POLE2: variants seen among roughly 807,000 people sequenced by gnomAD.
The protein encoded by POLE2 is DNA polymerase epsilon subunit 2.
In POLE2, 56 loss-of-function variants were observed where a neutral mutation model predicts 79.4. The ratio of observed to expected loss-of-function variants is 0.71; its 90% confidence interval spans 0.57 to 0.88. The LOEUF is 0.88. POLE2 is among the 40% of genes least tolerant of loss of function. POLE2 has a pLI of 0.00. For synonymous variants in POLE2, 212 were observed against 214.0 expected, an observed-to-expected ratio of 0.99 and a Z score of 0.08; for missense variants, 598 against 638.9, an observed-to-expected ratio of 0.94 and a Z score of 0.69.
rs778976853 is a variant in POLE2, at chr14:49,683,681, C to T, written c.81G>A (p.Lys27=). 1.3e-6 allele frequency: 2 copies of T among 1,534,092 alleles called. No homozygotes were observed. The highest frequency in any genetic ancestry group is 2.3e-5 in the South Asian group (2 of 86,252). ...RGLLLRGEAI[K]YLTEALQSIS... is the part of the protein sequence containing the mutation. Reference sequence around the variant, plus strand: ...TAGACTGAAGAGCTTCTGTGAGGTACTTAATAGCTTCACTAAGAAAAGGAA... The same window carrying T: ...TAGACTGAAGAGCTTCTGTGAGGTATTTAATAGCTTCACTAAGAAAAGGAA... The change falls in exon 2 of 19, where the codon AAG becomes AAA. Residue 27 remains lysine, a synonymous_variant. Coordinates refer to ENST00000216367, the MANE Select transcript of POLE2 (RefSeq NM_002692.4).
rs941313287 is a variant in POLE2 at position 49,655,725 on chromosome 14, C to G, written c.874G>C (p.Asp292His). The G allele has an allele frequency of 6.8e-6, 11 of 1,611,736 alleles. No homozygotes were observed. The highest frequency in any genetic ancestry group is 9.3e-6 in the Non-Finnish European group (11 of 1,178,978). Residue 292 changes from aspartate (D) to histidine (H), a missense_variant, in exon 11 of 19, where the codon GAT (aspartate) becomes CAT (histidine). Physicochemically the swap from Asp to His is moderately conservative, Grantham distance 81. Transcript: ENST00000216367. ...NKDAMFVFLS[D>H]VWLDQVEVLE... ...ACTTCCACCTGGTCCAACCAAACAT[C>G]AGATAAAAACACAAACATAGCATCT...
intron 5 of POLE2, among the ~76,000 whole-genome samples, chr14:49,672,989 C>T (rs1215366186): frequency 3.9e-5 from 6 of 152,298 alleles, no homozygotes; most frequent in Middle Eastern, 3.4e-3. Flanking sequence ...CCTGCTATCA[C>T]CTTCTACAAC....
chr14:49,648,674 G>A (rs1280515541), intron 17 of POLE2, among the ~76,000 whole-genome samples: 12 of 152,184 alleles, frequency 7.9e-5, no homozygotes, highest in African/African-American at 2.9e-4. Context: ...GGCATTTAGT[G>A]GACAGAGGCC....
intron 15 of POLE2, 170 bp downstream of exon 15, chr14:49,653,819 TG>T (rs1884454853): frequency 1.9e-6 from 1 of 521,622 alleles, no homozygotes; most frequent in Non-Finnish European, 3.4e-6. Context: ...AGCTAATTTT[TG>T]TACTTTTTGT....
chr14:49,685,862 C>T (rs1205819810), intron 1 of POLE2, among the ~76,000 whole-genome samples: 2 of 151,866 alleles, frequency 1.3e-5, no homozygotes, highest in African/African-American at 2.4e-5. Context: ...TTCCTGACCT[C>T]GTGATCCGCC....
At chr14:49,687,570 T>C (rs958261537) in intron 1 of POLE2, among the ~76,000 whole-genome samples, 1 of 152,000 alleles carries the variant, frequency 6.6e-6, no homozygotes, top group Admixed American at 6.6e-5. Context: ...CCGGCTGCCA[T>C]AGATAGGTTG....
intron 5 of POLE2, among the ~76,000 whole-genome samples, chr14:49,673,292 C>T (rs979027867): frequency 3.3e-5 from 5 of 152,152 alleles, no homozygotes; most frequent in African/African-American, 4.8e-5. Context: ...AACCTGGCTG[C>T]GACCGAGTTT....
At chr14:49,684,609 A>G (rs965495946) in intron 1 of POLE2, 4 of 151,444 alleles carry the variant, frequency 2.6e-5, no homozygotes, top group Admixed American at 6.6e-5. Flanking sequence ...CGGGCCTGAC[A>G]ATACACATAT....
chr14:49,647,464 TA>T (rs1167077558), intron 17 of POLE2, 104 bp from the exon 18 acceptor site: 144 of 376,854 alleles, frequency 3.8e-4, no homozygotes, highest in East Asian at 1.2e-3. Flanking sequence ...TTTATTTATT[TA>T]TTTTTTTTTT....
intron 13 of POLE2, 105 bp downstream of exon 13, chr14:49,654,679 T>C: frequency 7.7e-7 from 1 of 1,304,782 alleles, no homozygotes; most frequent in Non-Finnish European, 1.0e-6. Context: ...CTCAACTTTA[T>C]CTTTCTTCCT....
Position 49,643,640 on chromosome 14 carries a change from T to C in POLE2, c.*12A>G. The C allele has an allele frequency of 7.3e-7, 1 of 1,361,094 alleles. No individual in the cohort carries two copies. Among genetic ancestry groups the C allele is most frequent in the Non-Finnish European group, 1.0e-6 (1 of 973,172 alleles). The allele number at this position is 1,361,094 out of a possible 1,614,324, so 84.3% of individuals were successfully genotyped here. A position where few individuals can be genotyped will look rare whatever the true frequency, so the allele number is the denominator to read the frequency against. On this transcript the variant is annotated 3_prime_UTR_variant, in exon 19 of 19. Transcript: ENST00000216367. ...AAACTGATGAATTTTCTTCAGATGA[T>C]CTTTAAGAATCTCAAAAGCCTTGAA...
chr14:49,678,275 T>C (rs544894579), intron 3 of POLE2, among the ~76,000 whole-genome samples: 11 of 152,206 alleles, frequency 7.2e-5, no homozygotes, highest in Admixed American at 2.0e-4. Flanking sequence ...AGTGCTGGGA[T>C]TACGGGCATG....
chr14:49,677,766 G>C, intron 3 of POLE2: 1 of 1,102,778 alleles, frequency 9.1e-7, no homozygotes, highest in Non-Finnish European at 1.3e-6. Context: ...CATTCTTCAG[G>C]AGTGTGGCAG....
chr14:49,678,565 A>G (rs1226668383), intron 3 of POLE2, among the ~76,000 whole-genome samples: 1 of 152,210 alleles, frequency 6.6e-6, no homozygotes, highest in Non-Finnish European at 1.5e-5. Flanking sequence ...AACAACGAGT[A>G]ACGTCTATTT....
chr14:49,652,012 G>A (rs1158100062), intron 15 of POLE2, among the ~76,000 whole-genome samples: 1 of 152,084 alleles, frequency 6.6e-6, no homozygotes, highest in East Asian at 1.9e-4. Context: ...AGATAACACA[G>A]GGCCTTGATT....
chr14:49,657,566 G>A (rs1884786893), intron 10 of POLE2, among the ~76,000 whole-genome samples: 1 of 151,772 alleles, frequency 6.6e-6, no homozygotes, highest in Admixed American at 6.6e-5. Flanking sequence ...TCAGCCTCCT[G>A]AGTAGCTGGG....
chr14:49,683,176 T>C (rs879473161), intron 2 of POLE2, among the ~76,000 whole-genome samples: 12 of 152,202 alleles, frequency 7.9e-5, no homozygotes, highest in Admixed American at 7.9e-4. Flanking sequence ...CCGAGGCAGG[T>C]GGACTGCGTG....
chr14:49,675,321 T>C (rs1886195426), intron 3 of POLE2, among the ~76,000 whole-genome samples: 1 of 151,890 alleles, frequency 6.6e-6, no homozygotes, highest in African/African-American at 2.4e-5. Context: ...CAACCTCAGG[T>C]GATCCACCCA....
At chr14:49,669,641 TTAAATA>T in intron 5 of POLE2, 43 bp from the exon 6 acceptor site, 1 of 1,011,684 alleles carries the variant, frequency 9.9e-7, no homozygotes, top group African/African-American at 1.6e-5. Context: ...AAACAGACAT[TTAAATA>T]TAAGATTCAT....
Sources: gnomAD v4.1 joint callset for allele counts (sites outside exome capture counted in the v4.1 genomes callset) on GRCh38, gnomAD v4.1.1 for gene constraint, MANE v1.5 for transcripts, NCBI Gene and HGNC (gene_info 2026-07-23, HGNC 2026-07-21) for gene names.